The following PDLIM1 variants were observed in gnomAD, a reference collection of about 807,000 sequenced individuals.
PDLIM1 encodes the protein PDZ and LIM domain 1.
PDLIM1 carries 25 observed loss-of-function variants against 35.2 expected under a neutral mutation model. That is an observed-to-expected ratio of 0.71 (90% CI 0.52 to 0.99). The LOEUF is 0.99. Among genes scored for constraint, PDLIM1 ranks in the 50% least tolerant of loss-of-function variants. The pLI is 0.00. For synonymous variants in PDLIM1, 152 were observed against 154.0 expected (o/e 0.99, Z 0.10); for missense variants, 363 against 415.3 (o/e 0.87, Z 1.09).
chr10:95,263,789 G>T, intron 4 of PDLIM1, 75 bp downstream of exon 4: 5 of 1,169,534 alleles, frequency 4.3e-6, no homozygotes, highest in Non-Finnish European at 6.1e-6. Flanking sequence ...TCTTGCACCT[G>T]CCTGGGCAGC....
chr10:95,241,186 A>G (rs1435672672), intron 5 of PDLIM1, among the ~76,000 whole-genome samples: 6 of 152,210 alleles, frequency 3.9e-5, no homozygotes, highest in African/African-American at 1.4e-4. Flanking sequence ...GAGTCCCTGT[A>G]TGCTGACCAA....
chr10:95,260,792 A>C (rs1397453131), intron 4 of PDLIM1, among the ~76,000 whole-genome samples: 1 of 152,254 alleles, frequency 6.6e-6, no homozygotes, highest in East Asian at 1.9e-4. Context: ...CGAATTTCAC[A>C]GACTAAACAG....
chr10:95,238,701 C>G lies in PDLIM1; in HGVS notation c.686-16G>C. The G allele has an allele frequency of 6.6e-7, 1 of 1,512,138 alleles. No homozygotes were observed. The highest frequency in any genetic ancestry group is 9.2e-7 in the Non-Finnish European group (1 of 1,087,138). The allele number at this position is 1,512,138 out of a possible 1,614,324, so 93.7% of individuals were successfully genotyped here. A position where few individuals can be genotyped will look rare whatever the true frequency, so the allele number is the denominator to read the frequency against. On this transcript the variant is annotated splice_polypyrimidine_tract_variant and intron_variant, in intron 5 of 6. Transcript: ENST00000329399. ...TTGGGATCCCCTGAAATGAGGAAAA[C>G]ACTGTCATTGGCCAGGAAGGGCAGA...
chr10:95,247,272 G>C lies in PDLIM1; in HGVS notation c.628C>G (p.Pro210Ala), dbSNP rs1366303383. The C allele has an allele frequency of 1.2e-6, 2 of 1,614,078 alleles. No individual in the cohort carries two copies. Among genetic ancestry groups the C allele is most frequent in the South Asian group, 2.2e-5 (2 of 91,046 alleles). The change falls in exon 5 of 7, where the codon CCG becomes GCG. Residue 210 changes from proline (P) to alanine (A), a missense_variant. Transcript: ENST00000329399. ...ACCAAGAAAGACGTGGACTGTTTCG[G>C]GGGCTCATTCAACTCCTGTTTCTCC... The part of the protein sequence containing the change: ...LQEKQELNEP[P>A]KQSTSFLVLQ...
intron 4 of PDLIM1, chr10:95,247,579 G>C (rs1328905073): frequency 2.2e-6 from 1 of 451,070 alleles, no homozygotes; most frequent in Admixed American, 4.2e-5. Flanking sequence ...GCAATCAGAG[G>C]CTCTTCTTCT....
intron 1 of PDLIM1, among the ~76,000 whole-genome samples, chr10:95,281,056 A>G (rs2035556842): frequency 6.6e-6 from 1 of 152,178 alleles, no homozygotes; most frequent in African/African-American, 2.4e-5. Context: ...TCAGGTTTGG[A>G]AACACCAAGA....
chr10:95,244,652 C>T (rs578205063), intron 5 of PDLIM1, among the ~76,000 whole-genome samples: 2 of 152,068 alleles, frequency 1.3e-5, no homozygotes, highest in South Asian at 2.1e-4. Context: ...GTAATCCCAG[C>T]GCTTTGGGAG....
chr10:95,287,422 C>CG (rs2035612306), intron 1 of PDLIM1, among the ~76,000 whole-genome samples: 2 of 152,150 alleles, frequency 1.3e-5, no homozygotes, highest in African/African-American at 4.8e-5. Flanking sequence ...TGAGAAAAAG[C>CG]ATAAGCATTT....
In PDLIM1 at chr10:95,278,196, G is replaced by A. The variant is rs532886237; in HGVS notation, c.97-6412C>T. Among the ~76,000 whole-genome samples the A allele has an allele frequency of 1.6e-4, 25 of 152,350 alleles. 1 individual carries two copies. In the East Asian group the frequency reaches 3.5e-3, roughly 21 times the overall value. ...GTCAGATGGCCAGGGTTCAAGTCCT[G>A]CCTGGCTTGTGAGCTAAGTGTCCTT... On this transcript the variant is annotated intron_variant, in intron 1 of 6. Coordinates refer to ENST00000329399, the MANE Select transcript of PDLIM1 (RefSeq NM_020992.4).
intron 4 of PDLIM1, among the ~76,000 whole-genome samples, chr10:95,257,038 G>GAAAGAAAGAAAGAAAGAAAAT (rs1440640324): frequency 7.7e-6 from 1 of 129,774 alleles, no homozygotes; most frequent in African/African-American, 3.0e-5. Flanking sequence ...AAGAAAGAAA[G>GAAAGAAAGAAAGAAAGAAAAT]AATTCAAAAT....
chr10:95,271,390 T>C (rs2035463494), intron 2 of PDLIM1, among the ~76,000 whole-genome samples: 1 of 148,208 alleles, frequency 6.7e-6, no homozygotes, highest in African/African-American at 2.5e-5. Flanking sequence ...TGAGCTGAGA[T>C]TGCACCACTG....
intron 4 of PDLIM1, among the ~76,000 whole-genome samples, chr10:95,248,026 T>C (rs552806213): frequency 1.6e-4 from 24 of 152,370 alleles, no homozygotes; most frequent in African/African-American, 4.1e-4. Context: ...CCTCCTGTCA[T>C]GCTGGGTGAC....
intron 1 of PDLIM1, among the ~76,000 whole-genome samples, chr10:95,276,876 T>C (rs189421583): frequency 9.4e-6 from 1 of 106,724 alleles, no homozygotes; most frequent in East Asian, 3.1e-4. Context: ...CAGCTCATAA[T>C]AGAGTCAGCT....
At chr10:95,257,018 G>GAAAAGAAAAGAAAAGA (rs377250563) in intron 4 of PDLIM1, among the ~76,000 whole-genome samples, 1 of 144,036 alleles carries the variant, frequency 6.9e-6, no homozygotes, top group Admixed American at 6.9e-5. Flanking sequence ...AAGAAAGAAA[G>GAAAAGAAAAGAAAAGA]AAAGAAAGAA....
chr10:95,286,283 G>C (rs9731008), intron 1 of PDLIM1, among the ~76,000 whole-genome samples: 61,544 of 151,780 alleles, frequency 0.41, 12,633 homozygotes, highest in South Asian at 0.5. Context: ...CTTGAACCCA[G>C]GGGGTGGAGG....
In PDLIM1 at chr10:95,288,074, G is replaced by A. The variant is rs7911484; in HGVS notation, c.96+2746C>T. ...CGTTACATTTAGGGAACTTTTGGGTGCTGCAATATTCTATTTCTTGACTTG... is the reference window on the plus strand; with the variant it reads ...CGTTACATTTAGGGAACTTTTGGGTACTGCAATATTCTATTTCTTGACTTG... On this transcript the variant is annotated intron_variant, in intron 1 of 6. Coordinates refer to ENST00000329399, the MANE Select transcript of PDLIM1 (RefSeq NM_020992.4). 4.1e-3 allele frequency among the ~76,000 whole-genome samples: 620 copies of A among 152,244 alleles called. 9 individuals are homozygous for A. Among genetic ancestry groups the A allele is most frequent in the African/African-American group, 0.014 (591 of 41,534 alleles).
At chr10:95,238,998 T>C (rs1020890470) in intron 5 of PDLIM1, 13 of 181,702 alleles carry the variant, frequency 7.2e-5, no homozygotes, top group Non-Finnish European at 1.0e-4. Context: ...CAAAACGACA[T>C]GGTACTGGTA....
At chr10:95,256,986 A>AAAAGAAAGAAAGGAAG (rs2035317826) in intron 4 of PDLIM1, among the ~76,000 whole-genome samples, 1 of 61,658 alleles carries the variant, frequency 1.6e-5, no homozygotes, top group Non-Finnish European at 3.2e-5. Flanking sequence ...AAAAAAAAAA[A>AAAAGAAAGAAAGGAAG]AAAGAAAGAA....
intron 6 of PDLIM1, 27 bp from the exon 7 acceptor site, chr10:95,238,138 TC>T (rs1347340934): frequency 6.2e-7 from 1 of 1,602,902 alleles, no homozygotes; most frequent in African/African-American, 1.3e-5. Flanking sequence ...GGGAAGGGAC[TC>T]CATCAGTGAC....
Sources: allele counts gnomAD v4.1 joint callset (sites outside exome capture counted in the v4.1 genomes callset), GRCh38; gene constraint gnomAD v4.1.1; transcripts MANE v1.5; gene names NCBI Gene and HGNC (gene_info 2026-07-23, HGNC 2026-07-21).